The following CFAP92 variants were observed in gnomAD, a reference collection of about 807,000 sequenced individuals.
CFAP92 encodes cilia and flagella associated protein 92 (putative).
Under a neutral mutation model 106.3 loss-of-function variants are expected in CFAP92, and 86 were observed. The ratio of observed to expected loss-of-function variants is 0.81; its 90% CI spans 0.68 to 0.97. The LOEUF (loss-of-function observed/expected upper bound fraction) is 0.97, where lower values mean the gene tolerates loss of function less well. Among genes scored for constraint, CFAP92 ranks in the 50% least tolerant of loss-of-function variants. The pLI is 0.00. For missense variants in CFAP92, 1,204 were observed against 1,283.8 expected, an observed-to-expected ratio of 0.94 and a Z score of 0.95; for synonymous variants, 477 against 506.4, an observed-to-expected ratio of 0.94 and a Z score of 0.78.
At chr3:129,026,639 A>G in the CFAP92 span, among the ~76,000 whole-genome samples, 3 of 152,118 alleles carry the variant, frequency 2.0e-5, no homozygotes, top group Non-Finnish European at 4.4e-5. Context: ...GGGGCCATAT[A>G]ACCAGGTACC....
chr3:129,013,936 C>T, the CFAP92 span, among the ~76,000 whole-genome samples: 1 of 152,184 alleles, frequency 6.6e-6, no homozygotes, highest in Non-Finnish European at 1.5e-5. Flanking sequence ...TAGGCAGGGG[C>T]AGGAGCGACT....
intron 12 of CFAP92, among the ~76,000 whole-genome samples, chr3:128,918,505 G>A (rs764395624): frequency 6.6e-6 from 1 of 152,106 alleles, no homozygotes; most frequent in Non-Finnish European, 1.5e-5. Context: ...AAAACTCTTT[G>A]GAGAAATTCA....
In CFAP92 at chr3:128,952,674, G is replaced by A. The variant is rs571714420; in HGVS notation, c.1354-6699C>T. Among the ~76,000 whole-genome samples, 76 of 152,246 alleles carry A rather than the reference G, an allele frequency of 5.0e-4. 3 individuals carry two copies. The South Asian group carries it at 0.013, about 27-fold the overall frequency. The stretch of plus-strand genomic sequence containing the variant: ...TGCATGCCTTTAGTCCCAGCTGCTC[G>A]GGAGGCTGAGGTGGCAGGGTCACTT... On this transcript the variant is annotated intron_variant, in intron 9 of 15. Coordinates refer to ENST00000645291, the MANE Select transcript of CFAP92 (RefSeq NM_001394090.1).
intron 11 of CFAP92, among the ~76,000 whole-genome samples, chr3:128,933,943 C>T (rs1322317610): frequency 6.6e-6 from 1 of 152,116 alleles, no homozygotes; most frequent in Non-Finnish European, 1.5e-5. Context: ...CTAGCTAGGG[C>T]CAGACCTGTT....
chr3:128,916,319 C>T, intron 12 of CFAP92, 48 bp from the exon 13 acceptor site: 1 of 1,193,136 alleles, frequency 8.4e-7, no homozygotes, highest in Non-Finnish European at 1.0e-6. Context: ...CATCCTCACC[C>T]CCCATGCCAG....
intron 9 of CFAP92, among the ~76,000 whole-genome samples, chr3:128,953,450 G>A: frequency 6.6e-6 from 1 of 152,152 alleles, no homozygotes; most frequent in East Asian, 1.9e-4. Context: ...AGGAGGCGGA[G>A]CTTGCAGTGA....
intron 9 of CFAP92, among the ~76,000 whole-genome samples, chr3:128,946,215 C>T (rs1380743184): frequency 6.6e-6 from 1 of 151,900 alleles, no homozygotes; most frequent in Non-Finnish European, 1.5e-5. Context: ...AAAAAGCATT[C>T]GTTACTTATT....
At chr3:128,971,211 T>A (rs751186284) in intron 8 of CFAP92, 76 bp downstream of exon 8, 1 of 1,607,212 alleles carries the variant, frequency 6.2e-7, no homozygotes, top group East Asian at 2.2e-5. Flanking sequence ...AGGGTTGTCA[T>A]TAGGAGCATC....
intron 12 of CFAP92, among the ~76,000 whole-genome samples, chr3:128,931,464 T>C (rs1420637735): frequency 8.3e-6 from 1 of 120,578 alleles, no homozygotes; most frequent in Non-Finnish European, 1.6e-5. Flanking sequence ...TATATATATA[T>C]ACACATACAT....
At chr3:128,978,937 A>C (rs1458703558) in intron 4 of CFAP92, among the ~76,000 whole-genome samples, 1 of 152,242 alleles carries the variant, frequency 6.6e-6, no homozygotes, top group East Asian at 1.9e-4. Flanking sequence ...ATGGTAACAA[A>C]AGCCAAAATT....
At chr3:129,018,280 A>G in the CFAP92 span, among the ~76,000 whole-genome samples, 1 of 152,248 alleles carries the variant, frequency 6.6e-6, no homozygotes, top group Non-Finnish European at 1.5e-5. Context: ...ATCCGGGGTT[A>G]GCAAACTACA....
intron 2 of CFAP92, among the ~76,000 whole-genome samples, chr3:128,991,068 G>T (rs1485547180): frequency 6.6e-6 from 1 of 152,154 alleles, no homozygotes; most frequent in Non-Finnish European, 1.5e-5. Context: ...AAGGTCTCAT[G>T]AAGTTTTGCC....
intron 10 of CFAP92, among the ~76,000 whole-genome samples, chr3:128,935,743 A>G (rs1343919485): frequency 7.9e-5 from 12 of 152,096 alleles, no homozygotes; most frequent in Admixed American, 5.9e-4. Flanking sequence ...AAACAAGCCC[A>G]GGCAGGTGGA....
chr3:128,917,525 A>T (rs992905391), intron 12 of CFAP92, among the ~76,000 whole-genome samples: 2 of 152,232 alleles, frequency 1.3e-5, no homozygotes, highest in Non-Finnish European at 2.9e-5. Context: ...AAGTAACTAG[A>T]TGCTGGAGAA....
At chr3:129,022,353 G>A in the CFAP92 span, among the ~76,000 whole-genome samples, 1 of 152,224 alleles carries the variant, frequency 6.6e-6, no homozygotes, top group South Asian at 2.1e-4. Flanking sequence ...AGTCCTGAGG[G>A]TGGAACCCAG....
intron 10 of CFAP92, among the ~76,000 whole-genome samples, chr3:128,937,735 T>C (rs1471190323): frequency 6.6e-6 from 1 of 152,118 alleles, no homozygotes; most frequent in Non-Finnish European, 1.5e-5. Context: ...AATGAGTACA[T>C]GCAACCTCTC....
intron 12 of CFAP92, among the ~76,000 whole-genome samples, chr3:128,923,637 G>A (rs1397404714): frequency 6.6e-6 from 1 of 152,218 alleles, no homozygotes; most frequent in Non-Finnish European, 1.5e-5. Flanking sequence ...TTTTGAATAA[G>A]GGCTAAGACA....
upstream of CFAP92, chr3:128,994,120 A>G (rs944369600): frequency 3.0e-6 from 3 of 985,642 alleles, no homozygotes; most frequent in Admixed American, 6.1e-5. Context: ...AGGCCCAGCC[A>G]CTCAGCTACG....
intron 2 of CFAP92, chr3:128,991,918 T>G (rs1287144124): frequency 2.0e-6 from 2 of 979,108 alleles, no homozygotes; most frequent in African/African-American, 3.5e-5. Flanking sequence ...CATATTGGGC[T>G]GGAACCATGT....
Sources: allele counts gnomAD v4.1 joint callset (sites outside exome capture counted in the v4.1 genomes callset), GRCh38; gene constraint gnomAD v4.1.1; transcripts MANE v1.5; gene names NCBI Gene and HGNC (gene_info 2026-07-23, HGNC 2026-07-21).